Variants in SND1 observed in about 807,000 individuals in gnomAD.
The protein encoded by SND1 is staphylococcal nuclease domain-containing protein 1.
Under a neutral mutation model 121.7 loss-of-function variants are expected in SND1, and 38 were observed. The ratio of observed to expected loss-of-function variants is 0.31; its 90% CI spans 0.24 to 0.41. SND1 has a LOEUF of 0.41. Ranked by LOEUF, SND1 falls within the 10% of genes least tolerant of loss-of-function variation. The probability of loss-of-function intolerance (pLI) is 1.00; values close to 1 mark genes in which losing one functional copy is unlikely to be tolerated. For missense variants in SND1, 868 were observed against 1,184.6 expected (o/e 0.73, Z 3.92); for synonymous variants, 401 against 447.4 (o/e 0.90, Z 1.31).
intron 10 of SND1, among the ~76,000 whole-genome samples, chr7:127,746,377 A>G (rs934545196): frequency 3.3e-5 from 5 of 152,218 alleles, no homozygotes; most frequent in African/African-American, 1.2e-4. Flanking sequence ...CTACACCAGC[A>G]TTTTCAACCC....
intron 15 of SND1, among the ~76,000 whole-genome samples, chr7:127,977,401 A>G (rs1235107263): frequency 6.6e-6 from 1 of 152,226 alleles, no homozygotes; most frequent in East Asian, 1.9e-4. Context: ...AAAGGTGTCA[A>G]ATGGGTAATG....
intron 22 of SND1, 95 bp downstream of exon 22, chr7:128,089,787 C>T (rs1019126986): frequency 9.0e-7 from 1 of 1,107,624 alleles, no homozygotes; most frequent in Non-Finnish European, 1.3e-6. Flanking sequence ...GGGAATCCAC[C>T]ATCCTGCTGT....
intron 16 of SND1, chr7:128,028,362 TTTTAG>T: frequency 8.1e-6 from 2 of 245,744 alleles, no homozygotes; most frequent in South Asian, 1.3e-4. Context: ...ATGTTTGTTG[TTTTAG>T]TTTATTTTAT....
At chr7:127,686,783 T>A in intron 2 of SND1, 21 bp downstream of exon 2, 1 of 1,604,954 alleles carries the variant, frequency 6.2e-7, no homozygotes, top group Non-Finnish European at 8.5e-7. Flanking sequence ...CCTGAGGCCA[T>A]CGTGAGCCTG....
chr7:127,760,081 C>T (rs1204008152), intron 10 of SND1, among the ~76,000 whole-genome samples: 1 of 152,202 alleles, frequency 6.6e-6, no homozygotes, highest in Non-Finnish European at 1.5e-5. Flanking sequence ...GCTGCCCTCC[C>T]TATGGACTCC....
chr7:127,841,017 T>C (rs1798955561), intron 11 of SND1, among the ~76,000 whole-genome samples: 1 of 152,212 alleles, frequency 6.6e-6, no homozygotes, highest in South Asian at 2.1e-4. Context: ...TGGAAGACAG[T>C]TTTGGAACAG....
chr7:127,814,945 A>C (rs1798404382), intron 11 of SND1, among the ~76,000 whole-genome samples: 1 of 152,188 alleles, frequency 6.6e-6, no homozygotes, highest in African/African-American at 2.4e-5. Flanking sequence ...TAAGTTAAAA[A>C]ATGAGCCCCT....
chr7:127,940,683 C>G (rs779227728), intron 15 of SND1, among the ~76,000 whole-genome samples: 1 of 152,130 alleles, frequency 6.6e-6, no homozygotes, highest in Non-Finnish European at 1.5e-5. Flanking sequence ...TGTTTGCCCC[C>G]TTCCCCAAAC....
rs1796137858 is a variant in SND1 at position 127,703,424 on chromosome 7, A to G, written c.840+101A>G. On this transcript the variant is annotated intron_variant, in intron 7 of 23. Coordinates refer to ENST00000354725, the MANE Select transcript of SND1 (RefSeq NM_014390.4). ...TCTTTCTCTGTATTTAACATCCATT[A>G]AGATATTGGCCAGTTGTGGTGGCTC... 4 of 1,382,888 alleles carry G rather than the reference A, an allele frequency of 2.9e-6. No individual in the cohort carries two copies. The East Asian group carries it at 7.1e-5, about 25-fold the overall frequency. The allele number at this position is 1,382,888 out of a possible 1,614,324, so 85.7% of individuals were successfully genotyped here.
chr7:127,722,304 C>T (rs1796509685), intron 10 of SND1, among the ~76,000 whole-genome samples: 1 of 140,018 alleles, frequency 7.1e-6, no homozygotes. Context: ...TATCTACTGC[C>T]TGCTTTTTTT....
intron 15 of SND1, among the ~76,000 whole-genome samples, chr7:127,935,611 A>G (rs1474040814): frequency 6.6e-6 from 1 of 152,212 alleles, no homozygotes; most frequent in Non-Finnish European, 1.5e-5. Flanking sequence ...TTGAGGGAGT[A>G]GGCTTGGAGA....
intron 18 of SND1, among the ~76,000 whole-genome samples, chr7:128,082,165 C>A (rs933753706): frequency 1.3e-5 from 2 of 152,214 alleles, no homozygotes; most frequent in African/African-American, 4.8e-5. Context: ...CAGCCGCTAG[C>A]CCGACTACAC....
At chr7:127,835,445 A>G (rs141409230) in intron 11 of SND1, among the ~76,000 whole-genome samples, 1 of 152,262 alleles carries the variant, frequency 6.6e-6, no homozygotes, top group African/African-American at 2.4e-5. Context: ...AATGGAGAAA[A>G]AAGACCCACC....
At chr7:127,915,438 C>G (rs550579129) in intron 14 of SND1, among the ~76,000 whole-genome samples, 7 of 152,170 alleles carry the variant, frequency 4.6e-5, no homozygotes, top group African/African-American at 1.7e-4. Context: ...TTTACTGCCT[C>G]TTTATCTCTT....
chr7:128,065,642 C>T (rs887317898), intron 16 of SND1, among the ~76,000 whole-genome samples: 2 of 152,272 alleles, frequency 1.3e-5, no homozygotes, highest in African/African-American at 4.8e-5. Flanking sequence ...AGCTCCATCC[C>T]TTTAGGGCTT....
intron 16 of SND1, chr7:128,028,849 G>A (rs1339259442): frequency 6.2e-7 from 1 of 1,614,178 alleles, no homozygotes; most frequent in Non-Finnish European, 8.5e-7. Context: ...ATTGTGGGCA[G>A]CACTACTGCC....
chr7:127,857,406 T>C (rs1799298875), intron 12 of SND1, among the ~76,000 whole-genome samples: 1 of 149,270 alleles, frequency 6.7e-6, no homozygotes, highest in South Asian at 2.1e-4. Flanking sequence ...GGTTTCACCA[T>C]GTTGGCCAGG....
chr7:127,733,506 C>T (rs1304554807), intron 10 of SND1, among the ~76,000 whole-genome samples: 2 of 152,150 alleles, frequency 1.3e-5, no homozygotes, highest in Admixed American at 6.5e-5. Flanking sequence ...ACCTAGGTCC[C>T]CTTCCCTGCT....
intron 22 of SND1, 95 bp from the exon 23 acceptor site, chr7:128,091,742 G>A: frequency 7.7e-7 from 1 of 1,292,512 alleles, no homozygotes. Context: ...GAGCAAGGGA[G>A]AGCTCTGGCG....
Sources: allele counts gnomAD v4.1 joint callset (sites outside exome capture counted in the v4.1 genomes callset), GRCh38; gene constraint gnomAD v4.1.1; transcripts MANE v1.5; gene names NCBI Gene and HGNC (gene_info 2026-07-23, HGNC 2026-07-21).